The following CTNNA3 variants were observed in gnomAD, a reference collection of about 807,000 sequenced individuals.
CTNNA3 encodes the protein catenin alpha-3.
In CTNNA3, 76 loss-of-function variants were observed where a neutral mutation model predicts 95.7. The observed-to-expected ratio is 0.79, with a 90% CI of 0.66 to 0.96. CTNNA3 has a LOEUF of 0.96. Among genes scored for constraint, CTNNA3 ranks in the 40% least tolerant of loss-of-function variants. The probability of loss-of-function intolerance (pLI) is 0.00; values close to 1 mark genes in which losing one functional copy is unlikely to be tolerated. For synonymous variants in CTNNA3, 431 were observed against 374.4 expected (o/e 1.15, Z -1.74); for missense variants, 1,191 against 1,089.8 (o/e 1.09, Z -1.31).
chr10:67,333,059 A>G (rs1420187575), intron 5 of CTNNA3, among the ~76,000 whole-genome samples: 1 of 152,226 alleles, frequency 6.6e-6, no homozygotes, highest in Non-Finnish European at 1.5e-5. Context: ...AGAATAGTCT[A>G]CATACTTTAT....
At chr10:65,924,679 G>A (rs1171575030) in intron 17 of CTNNA3, among the ~76,000 whole-genome samples, 1 of 152,138 alleles carries the variant, frequency 6.6e-6, no homozygotes, top group African/African-American at 2.4e-5. Flanking sequence ...ACAGGTGACT[G>A]TCTACCATTT....
At chr10:66,151,923 T>C (rs1284025963) in intron 13 of CTNNA3, among the ~76,000 whole-genome samples, 1 of 151,950 alleles carries the variant, frequency 6.6e-6, no homozygotes, top group Non-Finnish European at 1.5e-5. Flanking sequence ...TTGGAACACA[T>C]AGATTGAATG....
intron 7 of CTNNA3, among the ~76,000 whole-genome samples, chr10:67,111,951 A>C (rs1858929592): frequency 6.6e-6 from 1 of 152,102 alleles, no homozygotes. Flanking sequence ...ATTAGTAACA[A>C]ATTATGTACA....
At chr10:67,099,679 C>G in intron 7 of CTNNA3, 1 of 152,150 alleles carries the variant, frequency 6.6e-6, no homozygotes, top group Non-Finnish European at 1.5e-5. Context: ...AATTCTATTA[C>G]TAATTCAAAT....
At chr10:67,445,563 C>T (rs1035436699) in intron 5 of CTNNA3, among the ~76,000 whole-genome samples, 6 of 152,134 alleles carry the variant, frequency 3.9e-5, no homozygotes, top group East Asian at 1.9e-4. Flanking sequence ...GCCCTCATGA[C>T]CTAATCACCT....
intron 13 of CTNNA3, among the ~76,000 whole-genome samples, chr10:66,229,123 A>G (rs2089463280): frequency 6.6e-6 from 1 of 152,078 alleles, no homozygotes; most frequent in Admixed American, 6.5e-5. Flanking sequence ...GATAATTTAA[A>G]CCATTTACCA....
intron 1 of CTNNA3, among the ~76,000 whole-genome samples, chr10:67,758,369 ACT>A (rs2131755824): frequency 6.7e-6 from 1 of 150,104 alleles, no homozygotes; most frequent in Non-Finnish European, 1.5e-5. Flanking sequence ...TATCTTAGCC[ACT>A]CTGTTTCTCT....
chr10:67,419,462 T>C (rs1845668110), intron 5 of CTNNA3, among the ~76,000 whole-genome samples: 1 of 152,192 alleles, frequency 6.6e-6, no homozygotes, highest in Non-Finnish European at 1.5e-5. Context: ...CTCGTCACCC[T>C]GGTAGTGAGC....
chr10:67,033,123 T>C lies in CTNNA3; in HGVS notation c.1047+147194A>G, dbSNP rs76223830. ...AAAGAACTATTTTAACAAAAATAAA[T>C]TGAAGGAAACCGACTGATTTTAATT... On this transcript the variant is annotated intron_variant, in intron 7 of 17. Transcript: ENST00000433211. 0.01 allele frequency among the ~76,000 whole-genome samples: 1,543 copies of C among 152,302 alleles called. 62 individuals are homozygous for C. In the East Asian group the frequency reaches 0.14, roughly 14 times the overall value.
intron 6 of CTNNA3, among the ~76,000 whole-genome samples, chr10:67,206,637 C>T (rs1369770721): frequency 6.6e-6 from 1 of 150,856 alleles, no homozygotes; most frequent in Non-Finnish European, 1.5e-5. Flanking sequence ...AAAAGCACTT[C>T]CACTTAGGGA....
chr10:66,814,475 G>T (rs1341882498), intron 7 of CTNNA3, among the ~76,000 whole-genome samples: 1 of 152,068 alleles, frequency 6.6e-6, no homozygotes, highest in East Asian at 1.9e-4. Context: ...GGGTGCAGTG[G>T]CTCAGCTGGG....
chr10:67,558,423 C>T, intron 3 of CTNNA3, among the ~76,000 whole-genome samples: 1 of 152,228 alleles, frequency 6.6e-6, no homozygotes, highest in East Asian at 1.9e-4. Context: ...TTCTATTCTT[C>T]ACTGAGATTG....
intron 5 of CTNNA3, among the ~76,000 whole-genome samples, chr10:67,463,036 C>CT (rs113869490): frequency 0.19 from 28,034 of 151,278 alleles, 3,767 homozygotes; most frequent in African/African-American, 0.36. Context: ...TCCTGAGTAG[C>CT]GGGGTTACAG....
chr10:66,076,888 G>T (rs1043172294), intron 14 of CTNNA3, among the ~76,000 whole-genome samples: 1 of 151,666 alleles, frequency 6.6e-6, no homozygotes, highest in African/African-American at 2.4e-5. Flanking sequence ...AACATTTGCA[G>T]ATCTCCTATA....
intron 13 of CTNNA3, among the ~76,000 whole-genome samples, chr10:66,268,770 T>C (rs1194762404): frequency 6.6e-6 from 1 of 152,162 alleles, no homozygotes; most frequent in African/African-American, 2.4e-5. Context: ...CAATGAGATG[T>C]AGAGGAAAGT....
At chr10:67,023,713 T>C (rs1376094436) in intron 7 of CTNNA3, among the ~76,000 whole-genome samples, 1 of 152,176 alleles carries the variant, frequency 6.6e-6, no homozygotes, top group Non-Finnish European at 1.5e-5. Context: ...ACTAATCTTC[T>C]TACAAAGACA....
intron 7 of CTNNA3, among the ~76,000 whole-genome samples, chr10:66,975,481 C>T (rs1291449296): frequency 6.6e-6 from 1 of 152,138 alleles, no homozygotes; most frequent in East Asian, 1.9e-4. Context: ...TTTCCCTTTC[C>T]TGAGGATTTC....
chr10:67,400,043 A>G (rs920912069), intron 5 of CTNNA3, among the ~76,000 whole-genome samples: 1 of 152,094 alleles, frequency 6.6e-6, no homozygotes, highest in South Asian at 2.1e-4. Flanking sequence ...AGCATTAGGT[A>G]TATCTCCTAA....
At chr10:67,235,471 C>T (rs1435525503) in intron 5 of CTNNA3, among the ~76,000 whole-genome samples, 1 of 151,820 alleles carries the variant, frequency 6.6e-6, no homozygotes, top group African/African-American at 2.4e-5. Context: ...ATGTAGAAAG[C>T]TGAAACTGGA....
Sources: allele counts gnomAD v4.1 joint callset (sites outside exome capture counted in the v4.1 genomes callset), GRCh38; gene constraint gnomAD v4.1.1; transcripts MANE v1.5; gene names NCBI Gene and HGNC (gene_info 2026-07-23, HGNC 2026-07-21).